TTC8: variants seen among roughly 807,000 people sequenced by gnomAD.
TTC8 encodes tetratricopeptide repeat protein 8.
Under a neutral mutation model 72.5 loss-of-function variants are expected in TTC8, and 47 were observed. The observed-to-expected ratio is 0.65, with a 90% confidence interval of 0.51 to 0.83. The LOEUF (loss-of-function observed/expected upper bound fraction) is 0.83. Among genes scored for constraint, TTC8 ranks in the 40% least tolerant of loss-of-function variants. The probability of loss-of-function intolerance (pLI) is 0.00; values close to 1 mark genes in which losing one functional copy is unlikely to be tolerated. For synonymous variants in TTC8, 199 were observed against 221.4 expected, an observed-to-expected ratio of 0.90 and a Z score of 0.90; for missense variants, 611 against 623.2, an observed-to-expected ratio of 0.98 and a Z score of 0.21.
intron 7 of TTC8, 123 bp downstream of exon 7, chr14:88,843,973 C>A: frequency 1.4e-6 from 1 of 731,514 alleles, no homozygotes; most frequent in Non-Finnish European, 2.2e-6. Flanking sequence ...TGGAGAACTA[C>A]TAATACTTTA....
intron 13 of TTC8, 128 bp downstream of exon 13, chr14:88,872,580 C>T: frequency 2.2e-6 from 3 of 1,343,116 alleles, no homozygotes; most frequent in South Asian, 1.2e-5. Context: ...GGATTTGAAT[C>T]CCAGCTCTGT....
Position 88,841,172 on chromosome 14 carries a change from C to G in TTC8, c.465C>G (p.Ser155=), listed in dbSNP as rs1253468754. 1.2e-6 allele frequency: 2 copies of G among 1,614,024 alleles called. No homozygotes were observed. Among genetic ancestry groups the G allele is most frequent in the Non-Finnish European group, 1.7e-6 (2 of 1,180,008 alleles). The stretch of plus-strand genomic sequence containing the variant: ...CAGCCCGCCCTATCACCAGCTCCTC[C>G]GGAAGATTTGTCAGGCTGGGAACGG... ...AYTARPITSS[S]GRFVRLGTAS... Residue 155 remains serine, a synonymous_variant, in exon 5 of 15, where the codon TCC becomes TCG. Coordinates refer to ENST00000380656, the MANE Select transcript of TTC8 (RefSeq NM_144596.4).
intron 10 of TTC8, among the ~76,000 whole-genome samples, chr14:88,863,800 A>G (rs192083904): frequency 6.6e-6 from 1 of 152,306 alleles, no homozygotes; most frequent in Admixed American, 6.5e-5. Context: ...TACTTCTGGC[A>G]GATAGGAATG....
chr14:88,872,920 C>G (rs1163411806), intron 13 of TTC8, among the ~76,000 whole-genome samples: 2 of 152,178 alleles, frequency 1.3e-5, no homozygotes, highest in Non-Finnish European at 2.9e-5. Context: ...TCAGACTGCT[C>G]TCATCTCTTG....
chr14:88,873,503 C>A (rs751622491), intron 13 of TTC8, among the ~76,000 whole-genome samples: 1 of 152,102 alleles, frequency 6.6e-6, no homozygotes, highest in Non-Finnish European at 1.5e-5. Flanking sequence ...AAAAGAGTGA[C>A]CATATCTGTC....
intron 10 of TTC8, among the ~76,000 whole-genome samples, chr14:88,868,399 C>G (rs2094920022): frequency 6.6e-6 from 1 of 152,156 alleles, no homozygotes; most frequent in African/African-American, 2.4e-5. Context: ...TAAAAGGAAT[C>G]TTAGACCAAA....
At chr14:88,859,890 A>T (rs935391588) in intron 9 of TTC8, among the ~76,000 whole-genome samples, 9 of 137,306 alleles carry the variant, frequency 6.6e-5, no homozygotes, top group East Asian at 6.1e-4. Flanking sequence ...ATATTATATA[A>T]TATATAATAT....
intron 2 of TTC8, among the ~76,000 whole-genome samples, chr14:88,836,474 G>A (rs1024738420): frequency 1.4e-5 from 2 of 146,124 alleles, no homozygotes; most frequent in Non-Finnish European, 3.0e-5. Flanking sequence ...CTGGGAGATA[G>A]AGTGAGAGCC....
rs2094932214 is a variant in TTC8 at position 88,871,179 on chromosome 14, C to T, written c.1050-370C>T. On this transcript the variant is annotated intron_variant, in intron 11 of 14. Coordinates refer to ENST00000380656, the MANE Select transcript of TTC8 (RefSeq NM_144596.4). This position sits in a 1 kb window ranked among gnomAD's most constrained non-coding sequence, Gnocchi z 4.1. ...AGAGGTTAATGCTAAACGCAGTCCT[C>T]AAATTAGATTAGGTTTTAGGAATTT... is the stretch of plus-strand genomic sequence containing the variant. Among the ~76,000 whole-genome samples, 1 of 152,312 alleles carries T rather than the reference C, an allele frequency of 6.6e-6. No individual in the cohort carries two copies. Among genetic ancestry groups the T allele is most frequent in the Middle Eastern group, 3.4e-3 (1 of 294 alleles).
At chr14:88,841,335 A>G (rs1484929915) in intron 5 of TTC8, 90 bp from the exon 6 acceptor site, 1 of 1,589,628 alleles carries the variant, frequency 6.3e-7, no homozygotes, top group Non-Finnish European at 8.6e-7. Flanking sequence ...ATTTTTATTT[A>G]TGTTGCCTTT....
intron 9 of TTC8, among the ~76,000 whole-genome samples, chr14:88,860,201 C>G (rs1418739074): frequency 2.0e-5 from 3 of 151,654 alleles, no homozygotes; most frequent in Non-Finnish European, 4.4e-5. Flanking sequence ...ACCTCTCTCT[C>G]TCATCTCAAA....
chr14:88,865,941 AAGAT>A, intron 10 of TTC8, among the ~76,000 whole-genome samples: 1 of 152,220 alleles, frequency 6.6e-6, no homozygotes, highest in South Asian at 2.1e-4. Context: ...AGATGTGAGA[AAGAT>A]AGCCTATTAA....
In TTC8 at chr14:88,871,730, T is replaced by C; in HGVS notation, c.1224+7T>C. ...CTTGGGACATGTAGCTGTGGTATGT[T>C]GTCTTACTGATATAATTTCTGTTAT... On this transcript the variant is annotated splice_region_variant and intron_variant, in intron 12 of 14. Transcript: ENST00000380656. This position sits in a 1 kb window ranked among gnomAD's most constrained non-coding sequence, Gnocchi z 4.1. 1 of 1,614,050 alleles carries C rather than the reference T, an allele frequency of 6.2e-7. No homozygotes were observed. The highest frequency in any genetic ancestry group is 8.5e-7 in the Non-Finnish European group (1 of 1,179,950).
At position 88,871,533 on chromosome 14, in the gene TTC8, G is replaced by C; in HGVS notation, c.1050-16G>C. ...GTTGGTCTGACACCAAAATTTGTGT[G>C]TTCTTTTTTGAAAAGGCGGCTGCTG... On this transcript the variant is annotated splice_polypyrimidine_tract_variant and intron_variant, in intron 11 of 14. Transcript: ENST00000380656. The surrounding 1 kb of genome is among the most constrained non-coding windows in gnomAD (Gnocchi z 4.1). The C allele has an allele frequency of 6.2e-7, 1 of 1,613,102 alleles. No homozygotes were observed. Among genetic ancestry groups the C allele is most frequent in the South Asian group, 1.1e-5 (1 of 91,064 alleles).
chr14:88,843,543 G>C (rs1352046187), intron 6 of TTC8, among the ~76,000 whole-genome samples: 1 of 152,050 alleles, frequency 6.6e-6, no homozygotes, highest in East Asian at 1.9e-4. Flanking sequence ...CGACAATTCT[G>C]AAGTTGGTCT....
At chr14:88,859,952 T>C (rs2094878053) in intron 9 of TTC8, among the ~76,000 whole-genome samples, 1 of 145,370 alleles carries the variant, frequency 6.9e-6, no homozygotes, top group South Asian at 2.1e-4. Flanking sequence ...ATACTATATA[T>C]AGTAATATAA....
chr14:88,873,415 CTT>C (rs900393974), intron 13 of TTC8, among the ~76,000 whole-genome samples: 1 of 152,176 alleles, frequency 6.6e-6, no homozygotes, highest in African/African-American at 2.4e-5. Context: ...ACATCTCTTA[CTT>C]TTTTTCTTCA....
chr14:88,825,711 A>G (rs2094696397), intron 1 of TTC8, among the ~76,000 whole-genome samples: 1 of 152,154 alleles, frequency 6.6e-6, no homozygotes, highest in Admixed American at 6.5e-5. Flanking sequence ...TGCCTTGGAG[A>G]TGTTAGAAAA....
At chr14:88,824,635 A>G, upstream of TTC8, 2 of 1,311,672 alleles carry the variant, frequency 1.5e-6, no homozygotes, top group Non-Finnish European at 2.1e-6. Flanking sequence ...GCAGAGTCGG[A>G]CGCCGCCAGC....
Sources: allele counts gnomAD v4.1 joint callset (sites outside exome capture counted in the v4.1 genomes callset), GRCh38; gene constraint gnomAD v4.1.1; non-coding constraint Gnocchi (gnomAD v3.1); transcripts MANE v1.5; gene names NCBI Gene and HGNC (gene_info 2026-07-23, HGNC 2026-07-21).